The following IMMP2L variants were observed in gnomAD, a reference collection of about 807,000 sequenced individuals.
IMMP2L encodes the protein mitochondrial inner membrane protease subunit 2.
Under a neutral mutation model 19.3 loss-of-function variants are expected in IMMP2L, and 18 were observed. That is an observed-to-expected ratio of 0.93 (90% CI 0.64 to 1.38). The LOEUF (loss-of-function observed/expected upper bound fraction) is 1.38. Among genes scored for constraint, IMMP2L ranks in the 40% most tolerant of loss-of-function variants. The probability of loss-of-function intolerance (pLI) is 0.00; values close to 1 mark genes in which losing one functional copy is unlikely to be tolerated. For missense variants in IMMP2L, 233 were observed against 218.2 expected, an observed-to-expected ratio of 1.07 and a Z score of -0.43; for synonymous variants, 76 against 73.0, an observed-to-expected ratio of 1.04 and a Z score of -0.21.
intron 5 of IMMP2L, among the ~76,000 whole-genome samples, chr7:110,667,687 A>T (rs1044015060): frequency 6.6e-6 from 1 of 152,188 alleles, no homozygotes; most frequent in South Asian, 2.1e-4. Flanking sequence ...ATCCTCTAGA[A>T]CTTTCAGAAG....
chr7:111,298,359 G>C (rs1423259434), intron 3 of IMMP2L, among the ~76,000 whole-genome samples: 1 of 152,122 alleles, frequency 6.6e-6, no homozygotes, highest in African/African-American at 2.4e-5. Context: ...TGCCACACAG[G>C]GTTCTTGGGA....
intron 4 of IMMP2L, among the ~76,000 whole-genome samples, chr7:110,920,466 A>G (rs1814141066): frequency 6.6e-6 from 1 of 152,154 alleles, no homozygotes; most frequent in Admixed American, 6.5e-5. Context: ...GCCACTGAAG[A>G]GCTAATGCTT....
chr7:111,528,980 T>C (rs1277806623), intron 1 of IMMP2L, among the ~76,000 whole-genome samples: 3 of 152,116 alleles, frequency 2.0e-5, no homozygotes, highest in Non-Finnish European at 4.4e-5. Context: ...CCATGCACCA[T>C]GGAATTGTGC....
chr7:111,294,672 C>T (rs1023113110), intron 3 of IMMP2L, among the ~76,000 whole-genome samples: 1 of 151,800 alleles, frequency 6.6e-6, no homozygotes, highest in Non-Finnish European at 1.5e-5. Flanking sequence ...CCAAAACTGG[C>T]AAGGACAGAT....
At chr7:111,148,030 A>G (rs1353077557) in intron 3 of IMMP2L, among the ~76,000 whole-genome samples, 1 of 152,112 alleles carries the variant, frequency 6.6e-6, no homozygotes, top group Non-Finnish European at 1.5e-5. Context: ...TACCGAAAAC[A>G]TATGTCTATG....
At chr7:111,149,564 T>C (rs1479814399) in intron 3 of IMMP2L, among the ~76,000 whole-genome samples, 1 of 152,182 alleles carries the variant, frequency 6.6e-6, no homozygotes, top group Non-Finnish European at 1.5e-5. Context: ...ATTCATGACA[T>C]ACCTAACTTT....
intron 3 of IMMP2L, among the ~76,000 whole-genome samples, chr7:111,187,037 C>T (rs769129): frequency 0.8 from 122,326 of 151,986 alleles, 49,692 homozygotes; most frequent in East Asian, 0.87. Flanking sequence ...GGCACTTTTT[C>T]TCCATAAATG....
At chr7:111,319,125 G>A (rs1824408694) in intron 3 of IMMP2L, among the ~76,000 whole-genome samples, 1 of 152,038 alleles carries the variant, frequency 6.6e-6, no homozygotes, top group African/African-American at 2.4e-5. Flanking sequence ...GCAAGTCTGA[G>A]GGCACGATTA....
At chr7:111,545,967 C>A (rs1848895077) in intron 1 of IMMP2L, among the ~76,000 whole-genome samples, 1 of 152,078 alleles carries the variant, frequency 6.6e-6, no homozygotes. Context: ...TTTCTTAAGT[C>A]TCCTCCAAAA....
Position 111,378,091 on chromosome 7 carries a change from T to TA in IMMP2L, c.239+109146dup, listed in dbSNP as rs201887133. ...TTTTTTAACACAACTTTAGATAATATAAAAAAAACTGAAATATAATCTCTA... is the reference window on the plus strand; with the variant it reads ...TTTTTTAACACAACTTTAGATAATATAAAAAAAAACTGAAATATAATCTCTA... On this transcript the variant is annotated intron_variant, in intron 3 of 5. Transcript: ENST00000405709. 5.3e-4 allele frequency among the ~76,000 whole-genome samples: 81 copies of TA among 151,818 alleles called. 1 individual carries two copies. The highest frequency in any genetic ancestry group is 3.4e-3 in the Middle Eastern group (1 of 294).
At chr7:111,335,183 A>G (rs898427380) in intron 3 of IMMP2L, among the ~76,000 whole-genome samples, 5 of 152,084 alleles carry the variant, frequency 3.3e-5, no homozygotes, top group African/African-American at 1.2e-4. Context: ...TACAAACTAG[A>G]GCTAGGTTTC....
At chr7:111,468,117 A>T (rs1162699267) in intron 3 of IMMP2L, among the ~76,000 whole-genome samples, 5 of 152,200 alleles carry the variant, frequency 3.3e-5, no homozygotes, top group Non-Finnish European at 7.4e-5. Context: ...GGCCATAATT[A>T]CTTTTTACTT....
intron 3 of IMMP2L, among the ~76,000 whole-genome samples, chr7:111,441,231 C>T (rs1387729101): frequency 6.6e-6 from 1 of 151,944 alleles, no homozygotes; most frequent in East Asian, 1.9e-4. Flanking sequence ...AACTGTTCAG[C>T]ACAAGAGGCC....
chr7:110,796,223 A>G (rs1301335339), intron 5 of IMMP2L, among the ~76,000 whole-genome samples: 1 of 152,010 alleles, frequency 6.6e-6, no homozygotes, highest in East Asian at 1.9e-4. Context: ...TAAATTACCC[A>G]GTCTTGGGCA....
Position 110,871,708 on chromosome 7 carries a change from T to C in IMMP2L, c.408+14885A>G, listed in dbSNP as rs149434569. Reference sequence around the variant, plus strand: ...AAAAAAGAAGGGGATGCAAAGAAAATTCTACCACAGATTCAGAACTTTAAT... The same window carrying C: ...AAAAAAGAAGGGGATGCAAAGAAAACTCTACCACAGATTCAGAACTTTAAT... On this transcript the variant is annotated intron_variant, in intron 5 of 5. Transcript: ENST00000405709. Among the ~76,000 whole-genome samples, 112 of 152,114 alleles carry C rather than the reference T, an allele frequency of 7.4e-4. No individual in the cohort carries two copies. In the East Asian group the frequency reaches 0.017, roughly 23 times the overall value.
intron 5 of IMMP2L, among the ~76,000 whole-genome samples, chr7:110,816,033 T>C (rs1451288656): frequency 2.0e-5 from 3 of 152,040 alleles, no homozygotes; most frequent in East Asian, 1.9e-4. Flanking sequence ...GCTCTTGCTT[T>C]TCCAGTTCTT....
intron 3 of IMMP2L, among the ~76,000 whole-genome samples, chr7:111,301,822 C>T (rs1036076824): frequency 3.3e-5 from 5 of 150,360 alleles, no homozygotes; most frequent in Non-Finnish European, 5.9e-5. Flanking sequence ...TGTGTCTATC[C>T]CTCCACCAAT....
chr7:110,959,876 GCT>G (rs1818752006), intron 4 of IMMP2L, among the ~76,000 whole-genome samples: 1 of 151,870 alleles, frequency 6.6e-6, no homozygotes, highest in African/African-American at 2.4e-5. Context: ...CCTTGCTCTG[GCT>G]CTGTTTCTGC....
At chr7:111,175,694 A>G (rs1423860917) in intron 3 of IMMP2L, among the ~76,000 whole-genome samples, 1 of 151,848 alleles carries the variant, frequency 6.6e-6, no homozygotes. Context: ...ACATTGGGGA[A>G]ACTCTCCAGG....
Sources: allele counts gnomAD v4.1 joint callset (sites outside exome capture counted in the v4.1 genomes callset), GRCh38; gene constraint gnomAD v4.1.1; transcripts MANE v1.5; gene names NCBI Gene and HGNC (gene_info 2026-07-23, HGNC 2026-07-21).